MARF1: variants seen among roughly 807,000 people sequenced by gnomAD.
MARF1 encodes the protein limkain-b1.
A neutral mutation model predicts 168.2 loss-of-function variants in MARF1; 24 were observed. The observed-to-expected ratio is 0.14, with a 90% CI of 0.10 to 0.20. The LOEUF is 0.20. Ranked by LOEUF, MARF1 falls within the 10% of genes least tolerant of loss-of-function variation. The pLI is 1.00. For synonymous variants in MARF1, 868 were observed against 822.4 expected, an observed-to-expected ratio of 1.06 and a Z score of -0.95; for missense variants, 1,744 against 2,143.6, an observed-to-expected ratio of 0.81 and a Z score of 3.68.
At chr16:15,608,588 A>G in intron 20 of MARF1, 70 bp from the exon 21 acceptor site, 2 of 1,086,304 alleles carry the variant, frequency 1.8e-6, no homozygotes, top group East Asian at 2.5e-5. Context: ...TAGCAAAAAA[A>G]GTATGCAGCT....
intron 10 of MARF1, among the ~76,000 whole-genome samples, chr16:15,624,159 T>C (rs2151205891): frequency 6.6e-6 from 1 of 152,176 alleles, no homozygotes; most frequent in South Asian, 2.1e-4. Flanking sequence ...AACCTCATGA[T>C]CCTCCCGCCT....
chr16:15,610,868 T>C, intron 19 of MARF1, 107 bp downstream of exon 19: 2 of 1,076,326 alleles, frequency 1.9e-6, no homozygotes, highest in Non-Finnish European at 2.7e-6. Flanking sequence ...TTCTGTGGAA[T>C]CTTCAGGAAG....
intron 11 of MARF1, 89 bp downstream of exon 11, chr16:15,622,845 G>T: frequency 1.9e-6 from 2 of 1,055,030 alleles, no homozygotes; most frequent in Non-Finnish European, 2.7e-6. Flanking sequence ...TTCTATCCCG[G>T]CTGTGGTTAT....
rs2032074326 is a variant in MARF1, at chr16:15,598,984, G to A, written c.4854C>T (p.Asp1618=). The A allele has an allele frequency of 2.5e-6, 4 of 1,611,686 alleles. No individual in the cohort carries two copies. Among genetic ancestry groups the A allele is most frequent in the Admixed American group, 3.4e-5 (2 of 59,686 alleles). The change falls in exon 26 of 27, where the codon GAC becomes GAT. Residue 1618 remains aspartate (D), a synonymous_variant. Transcript: ENST00000396368. Reference sequence around the variant, plus strand: ...CACACAGGAGGTCGACGGGGGAGTCGTCGGTCAGGCGGAGAAGCTCCTGCT... The same window carrying A: ...CACACAGGAGGTCGACGGGGGAGTCATCGGTCAGGCGGAGAAGCTCCTGCT... ...HTEQELLRLT[D]DSPVDLLCAP... is the part of the protein sequence containing the mutation.
chr16:15,631,409 A>C lies in MARF1; in HGVS notation c.1323T>G (p.Thr441=). 12 of 1,612,404 alleles carry C rather than the reference A, an allele frequency of 7.4e-6. No individual in the cohort carries two copies. The highest frequency in any genetic ancestry group is 1.0e-5 in the Non-Finnish European group (12 of 1,178,662). Residue 441 remains threonine (T), a synonymous_variant, in exon 6 of 27, where the codon ACT becomes ACG. Transcript: ENST00000396368. ...ACACAAGAACCACTGTGGCTGGAGC[A>C]GTGTGTGTATTTGCAAATCTGCGGA... is the stretch of plus-strand genomic sequence containing the variant. ...QSLRRFANTH[T]APATVVLVST... is the part of the protein sequence containing the mutation.
chr16:15,611,764 T>TA, intron 17 of MARF1, 30 bp from the exon 18 acceptor site: 3 of 1,603,794 alleles, frequency 1.9e-6, no homozygotes, highest in Non-Finnish European at 2.6e-6. Context: ...TTTATACACA[T>TA]AAGACCTCAG....
At chr16:15,620,778 A>G (rs2034399295) in intron 12 of MARF1, among the ~76,000 whole-genome samples, 1 of 152,232 alleles carries the variant, frequency 6.6e-6, no homozygotes, top group Admixed American at 6.5e-5. Context: ...GCAGAAAAGC[A>G]TGATGAATTC....
intron 22 of MARF1, among the ~76,000 whole-genome samples, chr16:15,603,109 G>T (rs1326264560): frequency 6.6e-6 from 1 of 152,216 alleles, no homozygotes; most frequent in Non-Finnish European, 1.5e-5. Context: ...TCTTAGGATA[G>T]ATATTAACAG....
intron 16 of MARF1, among the ~76,000 whole-genome samples, chr16:15,614,877 T>C (rs1421704472): frequency 6.6e-6 from 1 of 152,032 alleles, no homozygotes; most frequent in Admixed American, 6.6e-5. Context: ...CTCTACCTCC[T>C]GGGTTCAAGT....
At chr16:15,603,255 T>C (rs562083423) in intron 22 of MARF1, among the ~76,000 whole-genome samples, 1 of 152,378 alleles carries the variant, frequency 6.6e-6, no homozygotes, top group South Asian at 2.1e-4. Context: ...TTTAAGGGAC[T>C]ATCTTATGTT....
intron 25 of MARF1, among the ~76,000 whole-genome samples, chr16:15,599,690 G>T (rs1470457274): frequency 2.0e-5 from 3 of 152,206 alleles, no homozygotes; most frequent in Non-Finnish European, 2.9e-5. Flanking sequence ...AACATTCCAA[G>T]AATTGGCCTC....
chr16:15,602,654 G>A (rs1189457663), intron 22 of MARF1: 5 of 72,432 alleles, frequency 6.9e-5, no homozygotes, highest in African/African-American at 2.8e-4. Context: ...AAGAAAAGGA[G>A]GAGGGATATA....
chr16:15,624,771 A>G lies in MARF1; in HGVS notation c.2268T>C (p.Ser756=), dbSNP rs763504460. The G allele has an allele frequency of 1.9e-6, 3 of 1,613,866 alleles. No individual in the cohort carries two copies. The highest frequency in any genetic ancestry group is 2.5e-6 in the Non-Finnish European group (3 of 1,179,896). ...SPLLASQSWS[S]RSMSPNLLNR... ...ATGGGTCAAGAAGCTGGACTCACCT[A>G]GAAGACCAAGACTGAGATGCGAGCA... Residue 756 remains serine (S), a splice_region_variant and synonymous_variant, in exon 10 of 27, where the codon TCT becomes TCC. Coordinates refer to ENST00000396368, the MANE Select transcript of MARF1 (RefSeq NM_014647.4).
At position 15,614,166 on chromosome 16, in the gene MARF1, C is replaced by T. The variant is rs536338086; in HGVS notation, c.3254-1389G>A. Among the ~76,000 whole-genome samples, 4 of 152,166 alleles carry T rather than the reference C, an allele frequency of 2.6e-5. No homozygotes were observed. The South Asian group carries it at 6.2e-4, about 24-fold the overall frequency. On this transcript the variant is annotated intron_variant, in intron 16 of 26. Coordinates refer to ENST00000396368, the MANE Select transcript of MARF1 (RefSeq NM_014647.4). ...CATTAAGTGGTATTTCCTTCAAATACCTGAAAGTACTTTTTTTTTTAAAGA... is the reference window on the plus strand; with the variant it reads ...CATTAAGTGGTATTTCCTTCAAATATCTGAAAGTACTTTTTTTTTTAAAGA...
chr16:15,632,246 G>C lies in MARF1; in HGVS notation c.1234-748C>G, dbSNP rs542825865. 9.8e-5 allele frequency among the ~76,000 whole-genome samples: 15 copies of C among 152,294 alleles called. 1 individual carries two copies. In the South Asian group the frequency reaches 1.0e-3, roughly 11 times the overall value. On this transcript the variant is annotated intron_variant, in intron 5 of 26. Transcript: ENST00000396368. ...AGTTAAATTTGCTCTAATAGCTTCT[G>C]CCAACAATTTGGAGGTGGTAAAGAT...
At chr16:15,623,577 A>G (rs1456092491) in intron 10 of MARF1, among the ~76,000 whole-genome samples, 2 of 151,962 alleles carry the variant, frequency 1.3e-5, no homozygotes, top group African/African-American at 4.8e-5. Flanking sequence ...CACTGTGCCC[A>G]GCTGTGTTTT....
chr16:15,627,387 A>G (rs1358854750), intron 7 of MARF1, among the ~76,000 whole-genome samples: 6 of 152,150 alleles, frequency 3.9e-5, no homozygotes, highest in Non-Finnish European at 2.9e-5. Context: ...TGCGAGGCCA[A>G]AGCGGGTGAT....
At chr16:15,632,796 C>T (rs1221726196) in intron 5 of MARF1, among the ~76,000 whole-genome samples, 3 of 152,080 alleles carry the variant, frequency 2.0e-5, no homozygotes, top group Admixed American at 2.0e-4. Context: ...TCAAAAGACC[C>T]AAATTCTAGT....
chr16:15,639,033 C>G, intron 2 of MARF1, 57 bp downstream of exon 2: 2 of 1,535,062 alleles, frequency 1.3e-6, no homozygotes, highest in Non-Finnish European at 1.8e-6. Flanking sequence ...CCAAATGGAC[C>G]TCTCTCATCT....
Sources: gnomAD v4.1 joint callset for allele counts (sites outside exome capture counted in the v4.1 genomes callset) on GRCh38, gnomAD v4.1.1 for gene constraint, MANE v1.5 for transcripts, NCBI Gene and HGNC (gene_info 2026-07-23, HGNC 2026-07-21) for gene names.